The following ODF2 variants were observed in gnomAD, a reference collection of about 807,000 sequenced individuals.
The protein encoded by ODF2 is outer dense fiber protein 2.
In ODF2, 47 loss-of-function variants were observed where a neutral mutation model predicts 110.2. The ratio of observed to expected loss-of-function variants is 0.43; its 90% CI spans 0.34 to 0.54. The LOEUF is 0.54. Among genes scored for constraint, ODF2 ranks in the 20% least tolerant of loss-of-function variants. The pLI, the probability that ODF2 is intolerant of heterozygous loss-of-function variation, is 0.03. For synonymous variants in ODF2, 352 were observed against 397.7 expected, an observed-to-expected ratio of 0.89 and a Z score of 1.37; for missense variants, 812 against 1,054.5, an observed-to-expected ratio of 0.77 and a Z score of 3.19.
chr9:128,457,914 G>T (rs1835325430), intron 2 of ODF2, among the ~76,000 whole-genome samples: 1 of 145,430 alleles, frequency 6.9e-6, no homozygotes, highest in South Asian at 2.2e-4. Flanking sequence ...TTGGCTAAAG[G>T]ATCAGTAGAG....
intron 18 of ODF2, chr9:128,496,403 C>A: frequency 7.9e-7 from 1 of 1,264,824 alleles, no homozygotes; most frequent in Admixed American, 2.4e-5. Flanking sequence ...TCCCAAAAGG[C>A]ATGCCTGGTC....
At chr9:128,474,488 A>G (rs528350823) in intron 8 of ODF2, among the ~76,000 whole-genome samples, 4 of 149,774 alleles carry the variant, frequency 2.7e-5, no homozygotes, top group Non-Finnish European at 5.9e-5. Context: ...GCGAGATTCC[A>G]TCTTGGGGAA....
At chr9:128,463,783 T>TGTTTATATCTACAGAACGTTTTCTG in intron 4 of ODF2, among the ~76,000 whole-genome samples, 1 of 152,216 alleles carries the variant, frequency 6.6e-6, no homozygotes, top group African/African-American at 2.4e-5. Context: ...TAGGAGAATA[T>TGTTTATATCTACAGAACGTTTTCTG]GCAAGTAGTG....
Position 128,486,176 on chromosome 9 carries a change from C to T in ODF2, c.1400+702C>T, listed in dbSNP as rs141619543. ...GATAGGGCTACAAGAGGCATGGACT[C>T]CCTGGACTAAGGATAGGTCATGGGG... On this transcript the variant is annotated intron_variant, in intron 13 of 20. Coordinates refer to ENST00000604420, the Ensembl canonical transcript of ODF2. Among the ~76,000 whole-genome samples the T allele has an allele frequency of 2.7e-3, 411 of 152,260 alleles. 2 individuals are homozygous for T. Among genetic ancestry groups the T allele is most frequent in the Non-Finnish European group, 4.6e-3 (315 of 68,022 alleles).
chr9:128,456,270 G>A lies in ODF2; in HGVS notation c.-209+15G>A, dbSNP rs917560184. On this transcript the variant is annotated intron_variant, in intron 1 of 20. Transcript: ENST00000604420. ...TGTCGCTCCTGGTGAGAGGCCGCCG[G>A]CAGGCGGGATCCAGCGCCCTCCGGG... 1.3e-6 allele frequency: 2 copies of A among 1,530,050 alleles called. No homozygotes were observed. The highest frequency in any genetic ancestry group is 4.2e-5 in the Admixed American group (2 of 47,456). 94.8% of individuals were successfully genotyped at this position (1,530,050 alleles called of 1,614,324 possible). A position where few individuals can be genotyped will look rare whatever the true frequency, so the allele number is the denominator to read the frequency against.
At chr9:128,479,319 CAT>C (rs1204273458) in intron 8 of ODF2, among the ~76,000 whole-genome samples, 1 of 152,170 alleles carries the variant, frequency 6.6e-6, no homozygotes, top group Non-Finnish European at 1.5e-5. Context: ...GTCACAAAGA[CAT>C]AGCCCAGTGA....
Position 128,485,602 on chromosome 9 carries a change from T to G in ODF2, c.1400+128T>G, listed in dbSNP as rs532806625. On this transcript the variant is annotated intron_variant, in intron 13 of 20. Transcript: ENST00000604420. The surrounding 1 kb of genome is among the most constrained non-coding windows in gnomAD (Gnocchi z 5.0). The stretch of plus-strand genomic sequence containing the variant: ...GTACTCTCCGGGTTGGGGGCTGCAC[T>G]GGGCTGTGATGTGGGTAGCCCTGAG... 1 of 612,114 alleles carries G rather than the reference T, an allele frequency of 1.6e-6. No homozygotes were observed. Among genetic ancestry groups the G allele is most frequent in the East Asian group, 2.8e-5 (1 of 35,434 alleles). 37.9% of individuals were successfully genotyped at this position (612,114 alleles called of 1,614,324 possible). A position where few individuals can be genotyped will look rare whatever the true frequency, so the allele number is the denominator to read the frequency against.
intron 8 of ODF2, among the ~76,000 whole-genome samples, chr9:128,480,379 A>AT (rs1220112239): frequency 6.6e-6 from 1 of 152,242 alleles, no homozygotes; most frequent in Non-Finnish European, 1.5e-5. Flanking sequence ...ATCACGTCAC[A>AT]TGGTTACCTT....
chr9:128,467,938 G>T (rs963891817), intron 4 of ODF2, among the ~76,000 whole-genome samples: 2 of 151,912 alleles, frequency 1.3e-5, no homozygotes, highest in African/African-American at 4.8e-5. Context: ...CTCGTGATCC[G>T]CCCGCCTTGG....
intron 1 of ODF2, chr9:128,456,657 C>A: frequency 6.8e-7 from 1 of 1,474,530 alleles, no homozygotes; most frequent in Admixed American, 2.3e-5. Context: ...CCGACCGCCT[C>A]GTCCTCTCCT....
chr9:128,496,182 C>T, intron 18 of ODF2, 41 bp downstream of exon 18: 1 of 1,612,102 alleles, frequency 6.2e-7, no homozygotes, highest in Non-Finnish European at 8.5e-7. Context: ...CTTCCTAGGA[C>T]CTGAGACTTT....
chr9:128,457,181 T>C (rs1268775976), intron 1 of ODF2: 1 of 1,529,098 alleles, frequency 6.5e-7, no homozygotes, highest in South Asian at 1.2e-5. Flanking sequence ...CTCTACTATT[T>C]CCCCCTACTT....
intron 4 of ODF2, among the ~76,000 whole-genome samples, chr9:128,466,149 CAAAAA>C (rs934730924): frequency 6.8e-6 from 1 of 147,864 alleles, no homozygotes; most frequent in Admixed American, 6.8e-5. Context: ...AAAAAAAAAA[CAAAAA>C]AAACGGAAAA....
intron 8 of ODF2, among the ~76,000 whole-genome samples, chr9:128,480,617 G>A (rs1842211328): frequency 6.6e-6 from 1 of 152,188 alleles, no homozygotes; most frequent in Non-Finnish European, 1.5e-5. Flanking sequence ...AGGAGTTTGA[G>A]ACCAGCCTGG....
In ODF2 at chr9:128,459,607, C is replaced by T; in HGVS notation, c.73C>T (p.Gln25Ter). Residue 25 changes from glutamine (Q) to a stop codon, truncating the protein, a stop_gained, in exon 3 of 21, where the codon CAG becomes TAG. Coordinates refer to ENST00000604420, the Ensembl canonical transcript of ODF2. LOFTEE classifies it high-confidence loss of function. ...GAAGAACGGAGTAACGAGTCTCACG[C>T]AGAAAAAGGTCTTGAGAGCACCTTG... 1 of 1,614,028 alleles carries T rather than the reference C, an allele frequency of 6.2e-7. No homozygotes were observed. Among genetic ancestry groups the T allele is most frequent in the Non-Finnish European group, 8.5e-7 (1 of 1,179,962 alleles).
At chr9:128,487,782 G>C in intron 13 of ODF2, 108 bp from the exon 14 acceptor site, 1 of 1,357,704 alleles carries the variant, frequency 7.4e-7, no homozygotes, top group Non-Finnish European at 1.0e-6. Context: ...GCGAGACTCC[G>C]TCTAAAAAAA....
chr9:128,492,059 A>G (rs1588973337), intron 14 of ODF2, among the ~76,000 whole-genome samples: 1 of 151,684 alleles, frequency 6.6e-6, no homozygotes, highest in African/African-American at 2.4e-5. Context: ...TAGAGACAGG[A>G]TTTCACTGTG....
intron 2 of ODF2, among the ~76,000 whole-genome samples, chr9:128,457,941 ATAT>A (rs1554817271): frequency 0.074 from 5,813 of 78,676 alleles, 239 homozygotes; most frequent in African/African-American, 0.17. Flanking sequence ...ATATATATAT[ATAT>A]TTTTTTTTTT....
chr9:128,471,858 G>A (rs984857987), intron 6 of ODF2, among the ~76,000 whole-genome samples: 4 of 152,168 alleles, frequency 2.6e-5, no homozygotes, highest in Non-Finnish European at 5.9e-5. Context: ...AGAAATGGAA[G>A]GCAGGCCAGA....
Sources: allele counts gnomAD v4.1 joint callset (sites outside exome capture counted in the v4.1 genomes callset), GRCh38; gene constraint gnomAD v4.1.1; non-coding constraint Gnocchi (gnomAD v3.1); transcripts MANE v1.5; gene names NCBI Gene and HGNC (gene_info 2026-07-23, HGNC 2026-07-21).